Variants in PAPPA2 observed in about 807,000 individuals in gnomAD.
The protein encoded by PAPPA2 is pappalysin 2.
PAPPA2 carries 86 observed loss-of-function variants against 176.4 expected under a neutral mutation model. The ratio of observed to expected loss-of-function variants is 0.49; its 90% CI spans 0.41 to 0.58. PAPPA2 has a LOEUF of 0.58. PAPPA2 is among the 20% of genes least tolerant of loss of function. PAPPA2 has a pLI of 0.00. For missense variants in PAPPA2, 2,073 were observed against 2,256.9 expected, an observed-to-expected ratio of 0.92 and a Z score of 1.65; for synonymous variants, 809 against 852.2, an observed-to-expected ratio of 0.95 and a Z score of 0.88.
At chr1:176,604,994 A>G (rs1451282567) in intron 3 of PAPPA2, among the ~76,000 whole-genome samples, 1 of 152,212 alleles carries the variant, frequency 6.6e-6, no homozygotes, top group East Asian at 1.9e-4. Context: ...AGATCTAGTA[A>G]GTAAAATAAC....
At chr1:176,578,217 G>C (rs1652763709) in intron 2 of PAPPA2, among the ~76,000 whole-genome samples, 2 of 152,224 alleles carry the variant, frequency 1.3e-5, no homozygotes, top group Admixed American at 1.3e-4. Context: ...TCCAAGAAAA[G>C]CTGTCAATAA....
chr1:176,767,402 C>T (rs1054690441), intron 15 of PAPPA2, among the ~76,000 whole-genome samples: 24 of 152,160 alleles, frequency 1.6e-4, no homozygotes, highest in African/African-American at 5.3e-4. Context: ...TGCAATGGCA[C>T]GATCTCAGCT....
chr1:176,562,328 G>C (rs1314254896), intron 2 of PAPPA2, among the ~76,000 whole-genome samples: 2 of 152,140 alleles, frequency 1.3e-5, no homozygotes, highest in Admixed American at 1.3e-4. Context: ...CATCCACATA[G>C]AATATGGAGC....
chr1:176,502,183 C>G (rs1367072641), intron 1 of PAPPA2, among the ~76,000 whole-genome samples: 1 of 152,150 alleles, frequency 6.6e-6, no homozygotes, highest in East Asian at 1.9e-4. Context: ...CTGTCTGCAC[C>G]ACCCTTTCAG....
chr1:176,788,670 C>A (rs548663493), intron 17 of PAPPA2, among the ~76,000 whole-genome samples: 43 of 152,272 alleles, frequency 2.8e-4, no homozygotes, highest in African/African-American at 9.9e-4. Flanking sequence ...TGACTCCAAT[C>A]CACATCAAAT....
At chr1:176,487,561 A>G (rs1340231025) in intron 1 of PAPPA2, among the ~76,000 whole-genome samples, 3 of 152,194 alleles carry the variant, frequency 2.0e-5, no homozygotes, top group African/African-American at 7.2e-5. Context: ...GTCAGTATTG[A>G]TGGAATAAAC....
At chr1:176,621,690 T>C (rs755310714) in intron 3 of PAPPA2, among the ~76,000 whole-genome samples, 1 of 152,010 alleles carries the variant, frequency 6.6e-6, no homozygotes, top group Non-Finnish European at 1.5e-5. Flanking sequence ...TTTTTTGGCA[T>C]AAGCAACTAC....
chr1:176,593,977 T>C (rs1415218649), intron 2 of PAPPA2, among the ~76,000 whole-genome samples: 1 of 152,210 alleles, frequency 6.6e-6, no homozygotes, highest in African/African-American at 2.4e-5. Context: ...GAATGATGTC[T>C]GGGATGTTAC....
At chr1:176,797,334 C>T (rs1350897041) in intron 20 of PAPPA2, among the ~76,000 whole-genome samples, 1 of 152,014 alleles carries the variant, frequency 6.6e-6, no homozygotes, top group Non-Finnish European at 1.5e-5. Context: ...TGTAATTTTT[C>T]AAAAGTGTTT....
At chr1:176,475,921 GAGAAAC>G (rs1652094177) in intron 1 of PAPPA2, among the ~76,000 whole-genome samples, 1 of 152,202 alleles carries the variant, frequency 6.6e-6, no homozygotes, top group South Asian at 2.1e-4. Flanking sequence ...TGATGAAAAT[GAGAAAC>G]AGAAACCAAT....
chr1:176,718,165 TA>T (rs931715230), intron 12 of PAPPA2, among the ~76,000 whole-genome samples: 27 of 152,242 alleles, frequency 1.8e-4, no homozygotes, highest in African/African-American at 6.5e-4. Context: ...TCAATTTTAA[TA>T]AGTTGGGTTT....
Position 176,755,550 on chromosome 1 carries a change from A to G in PAPPA2, c.4152-10116A>G, listed in dbSNP as rs575684644. ...GTTGGGGAAGTGTCATTCCCTAGTGAATAGCTTAATTTGTGTCCAGGAATA... is the reference window on the plus strand; with the variant it reads ...GTTGGGGAAGTGTCATTCCCTAGTGGATAGCTTAATTTGTGTCCAGGAATA... On this transcript the variant is annotated intron_variant, in intron 14 of 22. Transcript: ENST00000367662. Among the ~76,000 whole-genome samples, 19 of 152,330 alleles carry G rather than the reference A, an allele frequency of 1.2e-4. No homozygotes were observed. The South Asian group carries it at 3.9e-3, about 32-fold the overall frequency.
rs999888639 is a variant in PAPPA2, at chr1:176,528,427, G to A, written c.-916-26980G>A. On this transcript the variant is annotated intron_variant, in intron 1 of 22. Transcript: ENST00000367662. ...ATGTTTCTTATACCTAAGGAGGTGA[G>A]CAAATTCATATCAGCTTCAAAAGAC... 5.9e-5 allele frequency among the ~76,000 whole-genome samples: 9 copies of A among 152,314 alleles called. No homozygotes were observed. The South Asian group carries it at 1.9e-3, about 32-fold the overall frequency.
intron 1 of PAPPA2, among the ~76,000 whole-genome samples, chr1:176,510,804 A>AACAC (rs781596673): frequency 1.1e-5 from 1 of 90,406 alleles, no homozygotes; most frequent in Non-Finnish European, 2.1e-5. Flanking sequence ...AATTTAAAGC[A>AACAC]ACACATACAC....
rs1330921314 is a variant in PAPPA2, at chr1:176,843,571, G to A, written c.*1117G>A. 1 of 152,062 alleles carries A rather than the reference G, an allele frequency of 6.6e-6. No homozygotes were observed. Among genetic ancestry groups the A allele is most frequent in the Non-Finnish European group, 1.5e-5 (1 of 68,018 alleles). 9.4% of individuals were successfully genotyped at this position (152,062 alleles called of 1,614,324 possible). A position where few individuals can be genotyped will look rare whatever the true frequency, so the allele number is the denominator to read the frequency against. On this transcript the variant is annotated 3_prime_UTR_variant, in exon 23 of 23. Transcript: ENST00000367662. ...GGAACTCACACACTCCTCATACTTG[G>A]CCTGTAGTCCTACTTCTTGTTAGAA...
chr1:176,806,213 G>A (rs141655769), intron 21 of PAPPA2, among the ~76,000 whole-genome samples: 201 of 152,208 alleles, frequency 1.3e-3, no homozygotes, highest in African/African-American at 4.2e-3. Flanking sequence ...CTTTGTAGAT[G>A]CCTATTGTCT....
chr1:176,602,150 GTGATGGGCTA>G (rs548120829), intron 3 of PAPPA2, among the ~76,000 whole-genome samples: 3 of 152,174 alleles, frequency 2.0e-5, no homozygotes, highest in Non-Finnish European at 4.4e-5. Flanking sequence ...TCTGAAGCCT[GTGATGGGCTA>G]ATTTCTGAAG....
At chr1:176,690,541 G>A (rs1435248740) in intron 5 of PAPPA2, 111 bp downstream of exon 5, 8 of 1,514,564 alleles carry the variant, frequency 5.3e-6, no homozygotes, top group African/African-American at 2.8e-5. Flanking sequence ...GGTCATTTGT[G>A]TCGGAGAGTT....
At chr1:176,699,010 C>A in intron 7 of PAPPA2, 90 bp from the exon 8 acceptor site, 1 of 1,450,666 alleles carries the variant, frequency 6.9e-7, no homozygotes, top group Non-Finnish European at 9.3e-7. Context: ...AAGTTCTCTC[C>A]ATAGTTCCTC....
Sources: gnomAD v4.1 joint callset for allele counts (sites outside exome capture counted in the v4.1 genomes callset) on GRCh38, gnomAD v4.1.1 for gene constraint, MANE v1.5 for transcripts, NCBI Gene and HGNC (gene_info 2026-07-23, HGNC 2026-07-21) for gene names.